The following AKAP11 variants were observed in gnomAD, a reference collection of about 807,000 sequenced individuals.
AKAP11 encodes A-kinase anchor protein 11.
AKAP11 carries 36 observed loss-of-function variants against 146.1 expected under a neutral mutation model. The ratio of observed to expected loss-of-function variants is 0.25; its 90% CI spans 0.19 to 0.33. The LOEUF (loss-of-function observed/expected upper bound fraction) is 0.33. AKAP11 is among the 10% of genes least tolerant of loss of function. The pLI is 1.00. For missense variants in AKAP11, 2,201 were observed against 2,197.0 expected, an observed-to-expected ratio of 1.00 and a Z score of -0.04; for synonymous variants, 780 against 786.5, an observed-to-expected ratio of 0.99 and a Z score of 0.14.
At chr13:42,294,254 A>T (rs749283647) in intron 4 of AKAP11, among the ~76,000 whole-genome samples, 1 of 152,108 alleles carries the variant, frequency 6.6e-6, no homozygotes, top group Non-Finnish European at 1.5e-5. Flanking sequence ...AGTATTGCAT[A>T]TTTTTTAGCC....
Position 42,301,513 on chromosome 13 carries a change from C to T in AKAP11, c.2767C>T (p.Gln923Ter). 1 of 1,614,010 alleles carries T rather than the reference C, an allele frequency of 6.2e-7. No homozygotes were observed. The highest frequency in any genetic ancestry group is 8.5e-7 in the Non-Finnish European group (1 of 1,179,956). The change falls in exon 8 of 13, where the codon CAG becomes TAG. Residue 923 changes from glutamine to a stop codon, truncating the protein, a stop_gained. Coordinates refer to ENST00000025301, the MANE Select transcript of AKAP11 (RefSeq NM_016248.4). LOFTEE classifies it high-confidence loss of function. ...EKTPPFSHCD[Q>*]AVLQCSEASS... The stretch of plus-strand genomic sequence containing the variant: ...AACCCCTCCATTTTCCCACTGTGAT[C>T]AGGCAGTGCTGCAATGCAGTGAAGC...
chr13:42,284,806 C>T (rs989060162), intron 1 of AKAP11, among the ~76,000 whole-genome samples: 4 of 152,230 alleles, frequency 2.6e-5, no homozygotes, highest in African/African-American at 7.2e-5. Flanking sequence ...TGATCGTCTT[C>T]TGGATTCTGG....
intron 1 of AKAP11, among the ~76,000 whole-genome samples, chr13:42,272,716 C>T (rs1281916826): frequency 1.3e-5 from 2 of 152,124 alleles, no homozygotes. Context: ...TGGAAGCAGG[C>T]GCTGCTCAGA....
intron 7 of AKAP11, among the ~76,000 whole-genome samples, chr13:42,299,148 A>G (rs1251226048): frequency 1.3e-5 from 2 of 152,184 alleles, no homozygotes; most frequent in East Asian, 3.8e-4. Context: ...AACATCCCAT[A>G]GACCAGGTAT....
At chr13:42,291,062 A>G (rs1959205478) in intron 3 of AKAP11, among the ~76,000 whole-genome samples, 1 of 152,226 alleles carries the variant, frequency 6.6e-6, no homozygotes, top group South Asian at 2.1e-4. Flanking sequence ...GCTTTTTATC[A>G]TAAATTCTTT....
chr13:42,276,270 T>C (rs1374244360), intron 1 of AKAP11, among the ~76,000 whole-genome samples: 2 of 152,150 alleles, frequency 1.3e-5, no homozygotes, highest in Non-Finnish European at 2.9e-5. Flanking sequence ...TTTTGAGACA[T>C]GGTCTTGCTC....
chr13:42,273,751 C>T (rs534088985), intron 1 of AKAP11, among the ~76,000 whole-genome samples: 2 of 152,200 alleles, frequency 1.3e-5, no homozygotes, highest in East Asian at 1.9e-4. Context: ...CTGAAGAAGT[C>T]CTCTTTTGCC....
intron 1 of AKAP11, among the ~76,000 whole-genome samples, chr13:42,273,233 TGG>T (rs1958823315): frequency 6.6e-6 from 1 of 152,194 alleles, no homozygotes; most frequent in Non-Finnish European, 1.5e-5. Context: ...ACTCAAAATA[TGG>T]AGTACTAAGA....
intron 1 of AKAP11, among the ~76,000 whole-genome samples, chr13:42,277,800 GC>G (rs542795975): frequency 3.7e-4 from 57 of 152,318 alleles, no homozygotes; most frequent in Admixed American, 3.7e-3. Flanking sequence ...GTAAGGCATG[GC>G]GATGGAATGA....
intron 4 of AKAP11, 97 bp from the exon 5 acceptor site, chr13:42,295,598 T>G: frequency 1.7e-6 from 2 of 1,182,440 alleles, no homozygotes; most frequent in Non-Finnish European, 2.5e-6. Flanking sequence ...GACAGCATTT[T>G]AATGCTTTGT....
Position 42,280,957 on chromosome 13 carries a change from T to C in AKAP11, c.-99-5029T>C, listed in dbSNP as rs1375618. Among the ~76,000 whole-genome samples, 147 of 152,324 alleles carry C rather than the reference T, an allele frequency of 9.7e-4. 2 individuals are homozygous for C. The East Asian group carries it at 0.027, about 28-fold the overall frequency. On this transcript the variant is annotated intron_variant, in intron 1 of 12. Coordinates refer to ENST00000025301, the MANE Select transcript of AKAP11 (RefSeq NM_016248.4). ...CTGGTTGGGTTTGGTTTAATGGCTC[T>C]TACTGAGATAGAGAATACAGGAGGA...
In AKAP11 at chr13:42,302,133, CAA is replaced by C; in HGVS notation, c.3389_3390del (p.Lys1130ArgfsTer18). ...CTAAAAAGCTCAAGGGAGAATTAGC[CAA>C]AGAGTTTGCACCTGCTACACCACCT... ...LTKKLKGELA[K>X]EFAPATPPST... On this transcript the variant is annotated frameshift_variant, in exon 8 of 13. Transcript: ENST00000025301. LOFTEE classifies it high-confidence loss of function. 1 of 1,614,126 alleles carries C rather than the reference CAA, an allele frequency of 6.2e-7. No homozygotes were observed. The highest frequency in any genetic ancestry group is 8.5e-7 in the Non-Finnish European group (1 of 1,180,002).
chr13:42,284,411 T>C (rs1049467599), intron 1 of AKAP11, among the ~76,000 whole-genome samples: 5 of 152,218 alleles, frequency 3.3e-5, no homozygotes, highest in Admixed American at 2.0e-4. Flanking sequence ...CTATGTTTTA[T>C]GTTACATTTG....
intron 6 of AKAP11, 146 bp downstream of exon 6, chr13:42,297,328 T>G (rs1365068036): frequency 1.1e-5 from 6 of 566,554 alleles, no homozygotes; most frequent in Non-Finnish European, 1.7e-5. Context: ...GAAATATAAC[T>G]CATGAAGCAT....
intron 8 of AKAP11, among the ~76,000 whole-genome samples, chr13:42,306,162 C>T (rs893240970): frequency 1.3e-5 from 2 of 152,166 alleles, no homozygotes; most frequent in Non-Finnish European, 2.9e-5. Context: ...TCACTACATA[C>T]CAGTTCCTAG....
At chr13:42,313,164 G>A (rs1960645760) in intron 10 of AKAP11, 34 bp downstream of exon 10, 2 of 1,492,716 alleles carry the variant, frequency 1.3e-6, no homozygotes, top group African/African-American at 1.4e-5. Flanking sequence ...AAACTGATGA[G>A]TCTGTCACCA....
chr13:42,303,126 T>C lies in AKAP11; in HGVS notation c.4380T>C (p.Ser1460=). 1 of 1,614,134 alleles carries C rather than the reference T, an allele frequency of 6.2e-7. No homozygotes were observed. ...CCCAACTGTATAGTTTTTCAACCTCTCTGGTTCACAGCATAACAAAAGATG... is the reference window on the plus strand; with the variant it reads ...CCCAACTGTATAGTTTTTCAACCTCCCTGGTTCACAGCATAACAAAAGATG... ...EVSQLYSFST[S]LVHSITKDAK... The change falls in exon 8 of 13, where the codon TCT becomes TCC. Residue 1460 remains serine (S), a synonymous_variant. Coordinates refer to ENST00000025301, the MANE Select transcript of AKAP11 (RefSeq NM_016248.4).
Position 42,303,583 on chromosome 13 carries a change from G to A in AKAP11, c.4837G>A (p.Ala1613Thr), listed in dbSNP as rs372318070. ...SQHFFRQGSL[A>T]SSKPASNPKF... ...GCACTTTTTCAGACAGGGTTCTCTCGCCAGTAGTAAGCCAGCTTCTAATCC... is the reference window on the plus strand; with the variant it reads ...GCACTTTTTCAGACAGGGTTCTCTCACCAGTAGTAAGCCAGCTTCTAATCC... Residue 1613 changes from alanine (A) to threonine (T), a missense_variant, in exon 8 of 13, where the codon GCC becomes ACC. This residue lies in a region of AKAP11 where 1,867 missense variants were observed against 1,833.5 expected (regional missense o/e 1.02). Coordinates refer to ENST00000025301, the MANE Select transcript of AKAP11 (RefSeq NM_016248.4). 4.3e-6 allele frequency: 7 copies of A among 1,614,038 alleles called. No homozygotes were observed. The East Asian group carries it at 8.9e-5, about 21-fold the overall frequency.
At position 42,300,394 on chromosome 13, in the gene AKAP11, A is replaced by T. The variant is rs1235726826; in HGVS notation, c.1648A>T (p.Ile550Phe). 6.8e-6 allele frequency: 11 copies of T among 1,610,996 alleles called. No individual in the cohort carries two copies. The East Asian group carries it at 2.2e-4, about 33-fold the overall frequency. The change falls in exon 8 of 13, where the codon ATT becomes TTT. Residue 550 changes from isoleucine (I) to phenylalanine (F), a missense_variant. Physicochemically the swap from Ile to Phe is conservative, Grantham distance 21 (BLOSUM62 0). Around this residue, in one of 3 missense-constraint regions of AKAP11, gnomAD observed 1,867 missense variants for 1,833.5 expected, o/e 1.02. Transcript: ENST00000025301. Reference protein sequence around the residue: ...KNKSLMIKDSIQKFAADLVEK... With the variant: ...KNKSLMIKDSFQKFAADLVEK... ...TAAATCCTTAATGATTAAAGATAGC[A>T]TTCAAAAATTTGCAGCAGATCTTGT...
Sources: gnomAD v4.1 joint callset for allele counts (sites outside exome capture counted in the v4.1 genomes callset) on GRCh38, gnomAD v4.1.1 for gene constraint, gnomAD v4.1.1 regional missense constraint, MANE v1.5 for transcripts, NCBI Gene and HGNC (gene_info 2026-07-23, HGNC 2026-07-21) for gene names.